Variants in PKP4 observed in about 807,000 individuals in gnomAD.
PKP4 encodes the protein plakophilin 4, also known as plakophilin-4.
In PKP4, 90 loss-of-function variants were observed where a neutral mutation model predicts 145.1. That is an observed-to-expected ratio of 0.62 (90% confidence interval 0.52 to 0.74). The LOEUF (loss-of-function observed/expected upper bound fraction) is 0.74, where lower values mean the gene tolerates loss of function less well. Among genes scored for constraint, PKP4 ranks in the 30% least tolerant of loss-of-function variants. PKP4 has a pLI of 0.00. For synonymous variants in PKP4, 563 were observed against 577.2 expected (o/e 0.98, Z 0.35); for missense variants, 1,340 against 1,482.7 (o/e 0.90, Z 1.58).
intron 1 of PKP4, among the ~76,000 whole-genome samples, chr2:158,522,672 G>A (rs931477619): frequency 5.3e-5 from 8 of 152,204 alleles, no homozygotes; most frequent in South Asian, 2.1e-4. Context: ...AGCTCCCAGC[G>A]TGAGCGACGC....
At chr2:158,647,098 C>T (rs1242458309) in intron 11 of PKP4, among the ~76,000 whole-genome samples, 2 of 152,144 alleles carry the variant, frequency 1.3e-5, no homozygotes, top group Non-Finnish European at 2.9e-5. Context: ...GCTGTGTGAC[C>T]GTGTCACCCA....
intron 4 of PKP4, among the ~76,000 whole-genome samples, chr2:158,612,903 T>G (rs1285010771): frequency 6.6e-6 from 1 of 152,152 alleles, no homozygotes; most frequent in South Asian, 2.1e-4. Context: ...TCATACTGTT[T>G]CCTGTCAGTT....
Position 158,634,169 on chromosome 2 carries a change from C to G in PKP4, c.1442C>G (p.Pro481Arg). 1 of 1,613,954 alleles carries G rather than the reference C, an allele frequency of 6.2e-7. No individual in the cohort carries two copies. The highest frequency in any genetic ancestry group is 8.5e-7 in the Non-Finnish European group (1 of 1,179,930). ...ALNTTATYAEPYRPIQYRVQE... is the reference protein window; with the variant it reads ...ALNTTATYAERYRPIQYRVQE... ...AACACAACAGCTACCTACGCGGAGCCCTACAGGCCTATACAATACCGAGTG... is the reference window on the plus strand; with the variant it reads ...AACACAACAGCTACCTACGCGGAGCGCTACAGGCCTATACAATACCGAGTG... The change falls in exon 9 of 22, where the codon CCC (proline) becomes CGC (arginine). Residue 481 changes from proline (P) to arginine (R), a missense_variant. Transcript: ENST00000389759.
chr2:158,575,095 T>A (rs1405838163), intron 2 of PKP4, among the ~76,000 whole-genome samples: 2 of 152,172 alleles, frequency 1.3e-5, no homozygotes, highest in Non-Finnish European at 2.9e-5. Context: ...AGACTAAGAT[T>A]CCAGGAACGG....
intron 1 of PKP4, among the ~76,000 whole-genome samples, chr2:158,462,924 A>G (rs1003582349): frequency 6.6e-6 from 1 of 152,248 alleles, no homozygotes; most frequent in Admixed American, 6.5e-5. Flanking sequence ...CGCTTAATAC[A>G]TTGAAATAAT....
chr2:158,557,242 A>G (rs1210547987), intron 2 of PKP4, among the ~76,000 whole-genome samples: 1 of 152,160 alleles, frequency 6.6e-6, no homozygotes, highest in Non-Finnish European at 1.5e-5. Context: ...CATTGTATGC[A>G]CTTAATGAAT....
intron 1 of PKP4, among the ~76,000 whole-genome samples, chr2:158,480,720 A>T (rs1693225182): frequency 6.6e-6 from 1 of 152,234 alleles, no homozygotes; most frequent in Non-Finnish European, 1.5e-5. Context: ...ATTGAGATGT[A>T]TTCTCATACC....
chr2:158,625,291 A>G lies in PKP4; in HGVS notation c.1017A>G (p.Lys339=). 1 of 1,613,994 alleles carries G rather than the reference A, an allele frequency of 6.2e-7. No homozygotes were observed. Among genetic ancestry groups the G allele is most frequent in the Non-Finnish European group, 8.5e-7 (1 of 1,179,982 alleles). ...GCCAGGTGGGGTCGTCGTCCCCCAA[A>G]CGCTCAGGGATGACCGCCGTACCAC... The part of the protein sequence containing the change: ...SQGQVGSSSP[K]RSGMTAVPQH... Residue 339 remains lysine (K), a synonymous_variant, in exon 7 of 22, where the codon AAA becomes AAG. Transcript: ENST00000389759.
At chr2:158,560,713 T>C (rs1268039208) in intron 2 of PKP4, among the ~76,000 whole-genome samples, 1 of 152,238 alleles carries the variant, frequency 6.6e-6, no homozygotes, top group East Asian at 1.9e-4. Flanking sequence ...TGCCTAACTC[T>C]TTAAAAAATA....
intron 1 of PKP4, among the ~76,000 whole-genome samples, chr2:158,497,869 C>A (rs559979930): frequency 6.6e-6 from 1 of 152,274 alleles, no homozygotes; most frequent in East Asian, 1.9e-4. Flanking sequence ...TTAAAAATCC[C>A]AGTAAATGTT....
At chr2:158,481,311 T>C (rs926392721) in intron 1 of PKP4, among the ~76,000 whole-genome samples, 1 of 152,228 alleles carries the variant, frequency 6.6e-6, no homozygotes, top group Non-Finnish European at 1.5e-5. Context: ...ATTTGGATTG[T>C]TTCCATGTTT....
At chr2:158,463,941 G>C (rs560317663) in intron 1 of PKP4, among the ~76,000 whole-genome samples, 1 of 152,152 alleles carries the variant, frequency 6.6e-6, no homozygotes, top group Non-Finnish European at 1.5e-5. Flanking sequence ...GGGCCCCTCG[G>C]GGCAGGAGCT....
intron 4 of PKP4, among the ~76,000 whole-genome samples, chr2:158,619,020 C>A (rs955392396): frequency 2.6e-5 from 4 of 152,138 alleles, no homozygotes; most frequent in African/African-American, 9.7e-5. Context: ...TCTGTAGTTT[C>A]TTGCTAGTTC....
At chr2:158,590,378 CT>C (rs60189310) in intron 3 of PKP4, among the ~76,000 whole-genome samples, 1,727 of 97,368 alleles carry the variant, frequency 0.018, 31 homozygotes, top group African/African-American at 0.051. Context: ...TTCTTCTAGA[CT>C]TTTTTTTTTT....
At chr2:158,499,012 G>A (rs1055650322) in intron 1 of PKP4, among the ~76,000 whole-genome samples, 7 of 152,012 alleles carry the variant, frequency 4.6e-5, no homozygotes, top group African/African-American at 1.7e-4. Context: ...CAGTGCTCCT[G>A]GATTCAAAAC....
At position 158,631,858 on chromosome 2, in the gene PKP4, A is replaced by G. The variant is rs559193472; in HGVS notation, c.1259A>G (p.Tyr420Cys). Residue 420 changes from tyrosine (Y) to cysteine (C), a missense_variant, in exon 8 of 22, where the codon TAT (tyrosine) becomes TGT (cysteine). Tyr to Cys is a radical substitution (Grantham distance 194, BLOSUM62 -2). Transcript: ENST00000389759. Reference protein sequence around the residue: ...HITPIYEGRTYYSPVYRSPNH... With the variant: ...HITPIYEGRTCYSPVYRSPNH... ...ACTCCTATATATGAGGGGAGGACCT[A>G]TTACAGCCCAGTGTACCGCAGCCCA... The G allele has an allele frequency of 1.1e-5, 17 of 1,614,010 alleles. No homozygotes were observed. Among genetic ancestry groups the G allele is most frequent in the Non-Finnish European group, 1.3e-5 (15 of 1,180,002 alleles).
intron 12 of PKP4, 179 bp downstream of exon 12, chr2:158,658,493 G>T: frequency 2.0e-6 from 1 of 508,452 alleles, no homozygotes; most frequent in Non-Finnish European, 3.4e-6. Context: ...CAGACTTGTG[G>T]CCTTAAAGAA....
intron 1 of PKP4, among the ~76,000 whole-genome samples, chr2:158,526,397 C>G (rs1325351800): frequency 1.5e-5 from 1 of 66,720 alleles, no homozygotes; most frequent in Non-Finnish European, 3.1e-5. Context: ...ATGATTATCT[C>G]AATAGATGCA....
At chr2:158,489,064 T>C (rs938228910) in intron 1 of PKP4, among the ~76,000 whole-genome samples, 6 of 152,234 alleles carry the variant, frequency 3.9e-5, no homozygotes, top group Non-Finnish European at 8.8e-5. Context: ...GATAAATCTT[T>C]TCAATTCACA....
Sources: allele counts gnomAD v4.1 joint callset (sites outside exome capture counted in the v4.1 genomes callset), GRCh38; gene constraint gnomAD v4.1.1; transcripts MANE v1.5; gene names NCBI Gene and HGNC (gene_info 2026-07-23, HGNC 2026-07-21).